ACOX1: variants seen among roughly 807,000 people sequenced by gnomAD.
ACOX1 encodes peroxisomal acyl-coenzyme A oxidase 1.
A neutral mutation model predicts 75.5 loss-of-function variants in ACOX1; 41 were observed. The ratio of observed to expected loss-of-function variants is 0.54; its 90% CI spans 0.42 to 0.70. The LOEUF (loss-of-function observed/expected upper bound fraction) is 0.70. Among genes scored for constraint, ACOX1 ranks in the 30% least tolerant of loss-of-function variants. The pLI is 0.00. For synonymous variants in ACOX1, 303 were observed against 298.8 expected, an observed-to-expected ratio of 1.01 and a Z score of -0.15; for missense variants, 630 against 837.5, an observed-to-expected ratio of 0.75 and a Z score of 3.06.
At position 75,941,879 on chromosome 17, in the gene ACOX1, G is replaced by A. The variant is rs993202188; in HGVS notation, c.*4869C>T. On this transcript the variant is annotated 3_prime_UTR_variant, in exon 14 of 14. Transcript: ENST00000293217. ...GTAGTCCGCAGTCTGAATGTGGAAG[G>A]TGGAAGATCACACATTTACTAAGAA... 6.6e-6 allele frequency: 1 copy of A among 152,190 alleles called. No homozygotes were observed. Among genetic ancestry groups the A allele is most frequent in the Non-Finnish European group, 1.5e-5 (1 of 68,040 alleles). The allele number at this position is 152,190 out of a possible 1,614,324, so 9.4% of individuals were successfully genotyped here. A position where few individuals can be genotyped will look rare whatever the true frequency, so the allele number is the denominator to read the frequency against.
chr17:75,957,346 G>T, intron 4 of ACOX1, 113 bp downstream of exon 4: 3 of 976,554 alleles, frequency 3.1e-6, no homozygotes, highest in Non-Finnish European at 4.9e-6. Context: ...CTCCCAAAGT[G>T]TTAGGATTTC....
intron 2 of ACOX1, among the ~76,000 whole-genome samples, chr17:75,966,500 T>A (rs2144290909): frequency 6.8e-6 from 1 of 146,990 alleles, no homozygotes; most frequent in Middle Eastern, 3.8e-3. Context: ...AAAATAAAAA[T>A]AAAAATAGAG....
At chr17:75,956,743 T>C (rs1347913389) in intron 4 of ACOX1, among the ~76,000 whole-genome samples, 2 of 150,414 alleles carry the variant, frequency 1.3e-5, no homozygotes, top group Non-Finnish European at 3.0e-5. Flanking sequence ...TTTTTTTTTT[T>C]AAGAGACAGG....
intron 2 of ACOX1, among the ~76,000 whole-genome samples, chr17:75,975,920 AAAAAGAAAGG>A (rs1294361766): frequency 2.0e-5 from 3 of 151,856 alleles, no homozygotes; most frequent in Non-Finnish European, 4.4e-5. Flanking sequence ...AAAGAGAAAG[AAAAAGAAAGG>A]AAAAGAAAGA....
At chr17:75,974,414 G>A (rs932465272) in intron 2 of ACOX1, among the ~76,000 whole-genome samples, 12 of 152,242 alleles carry the variant, frequency 7.9e-5, no homozygotes, top group East Asian at 3.9e-4. Context: ...ACATTACTAC[G>A]GATTAACTCT....
At chr17:75,948,222 A>T (rs764314743) in intron 13 of ACOX1, 29 bp downstream of exon 13, 167 of 1,608,358 alleles carry the variant, frequency 1.0e-4, no homozygotes, top group Non-Finnish European at 2.0e-5. Context: ...GAAGACTTTT[A>T]AAAAGGTGCA....
rs2065773210 is a variant in ACOX1 at position 75,951,462 on chromosome 17, G to A, written c.1060C>T (p.Arg354Trp). Residue 354 changes from arginine to tryptophan, a missense_variant, in exon 8 of 14, where the codon CGG becomes TGG. Arg to Trp is a moderately radical substitution (Grantham distance 101). Coordinates refer to ENST00000293217, the MANE Select transcript of ACOX1 (RefSeq NM_004035.7). ...VGAYMKETYH[R>W]INEGIGQGDL... ...CCTTGACCAATGCCTTCGTTAATCC[G>A]GTGATAGGTCTCCTTCATGTATGCG... is the stretch of plus-strand genomic sequence containing the variant. The A allele has an allele frequency of 1.2e-6, 2 of 1,614,012 alleles. No individual in the cohort carries two copies. The highest frequency in any genetic ancestry group is 1.7e-6 in the Non-Finnish European group (2 of 1,180,040).
In ACOX1 at chr17:75,978,570, C is replaced by T. The variant is rs2144330484; in HGVS notation, c.233G>A (p.Gly78Asp). 1.2e-6 allele frequency: 2 copies of T among 1,614,192 alleles called. No individual in the cohort carries two copies. Among genetic ancestry groups the T allele is most frequent in the Non-Finnish European group, 1.7e-6 (2 of 1,180,040 alleles). ...CATAATTTCATCAGGGTCAGCGATG[C>T]CAAACTCCCTCATCTTCTTCACCAT... ...AIMVKKMREF[G>D]IADPDEIMWF... The change falls in exon 2 of 14, where the codon GGC becomes GAC. Residue 78 changes from glycine to aspartate, a missense_variant. Gly to Asp is a moderately conservative substitution (Grantham distance 94). Around this residue, in one of 2 missense-constraint regions of ACOX1, gnomAD observed 390 missense variants for 574.9 expected, o/e 0.68. Transcript: ENST00000293217. This position sits in a 1 kb window ranked among gnomAD's most constrained non-coding sequence, Gnocchi z 4.2.
intron 2 of ACOX1, among the ~76,000 whole-genome samples, chr17:75,967,888 C>T (rs1347466492): frequency 1.3e-5 from 2 of 150,120 alleles, no homozygotes; most frequent in South Asian, 2.1e-4. Context: ...TTACAGGTGC[C>T]GCCACCACTC....
At position 75,972,306 on chromosome 17, in the gene ACOX1, G is replaced by A. The variant is rs1287202433; in HGVS notation, c.269+6228C>T. On this transcript the variant is annotated intron_variant, in intron 2 of 13. Transcript: ENST00000293217. ...GGCACAACTGCACTCCAGCCTGGGC[G>A]ACAGAGTGAGACTCTGTCTCCAAAA... Among the ~76,000 whole-genome samples, 42 of 129,548 alleles carry A rather than the reference G, an allele frequency of 3.2e-4. No homozygotes were observed. The South Asian group carries it at 4.9e-3, about 15-fold the overall frequency. The allele number at this position is 129,548 out of a possible 152,430, so 85.0% of individuals were successfully genotyped here. A position where few individuals can be genotyped will look rare whatever the true frequency, so the allele number is the denominator to read the frequency against.
intron 12 of ACOX1, 101 bp from the exon 13 acceptor site, chr17:75,948,558 C>CTTT: frequency 1.2e-5 from 10 of 849,282 alleles, no homozygotes; most frequent in Non-Finnish European, 1.4e-5. Context: ...TTATTTTTTT[C>CTTT]TTTTTTTTTT....
intron 2 of ACOX1, among the ~76,000 whole-genome samples, chr17:75,977,215 C>T (rs569912550): frequency 9.8e-4 from 148 of 151,404 alleles, no homozygotes; most frequent in Non-Finnish European, 1.7e-3. Flanking sequence ...AGGCTGGTCT[C>T]GAGCTCCTGG....
intron 2 of ACOX1, among the ~76,000 whole-genome samples, chr17:75,969,267 A>C (rs2065971056): frequency 6.6e-6 from 1 of 152,134 alleles, no homozygotes; most frequent in Non-Finnish European, 1.5e-5. Flanking sequence ...CCCAGGTTCA[A>C]AAGCTTCTCC....
rs772900988 is a variant in ACOX1, at chr17:75,957,444, GAA to G, written c.538+13_538+14del. ...ACCTTCAAAACATCCAATAAATGCT[GAA>G]AAATTCACTTACGCCCACCAGGCCA... On this transcript the variant is annotated intron_variant, in intron 4 of 13. Coordinates refer to ENST00000293217, the MANE Select transcript of ACOX1 (RefSeq NM_004035.7). 1.3e-4 allele frequency: 211 copies of G among 1,601,106 alleles called. No individual in the cohort carries two copies. The highest frequency in any genetic ancestry group is 1.8e-4 in the Non-Finnish European group (206 of 1,168,358).
At chr17:75,949,960 A>C (rs897188010) in intron 9 of ACOX1, 63 bp from the exon 10 acceptor site, 2 of 1,582,672 alleles carry the variant, frequency 1.3e-6, no homozygotes, top group African/African-American at 1.3e-5. Context: ...TTTGAGATGG[A>C]GTTTCATTCT....
At chr17:75,956,433 G>A (rs1038530549) in intron 4 of ACOX1, among the ~76,000 whole-genome samples, 6 of 152,242 alleles carry the variant, frequency 3.9e-5, no homozygotes, top group African/African-American at 1.4e-4. Flanking sequence ...GCTCGCGCCT[G>A]TAATTCCAGC....
At position 75,957,458 on chromosome 17, in the gene ACOX1, C is replaced by A; in HGVS notation, c.538+1G>T. The stretch of plus-strand genomic sequence containing the variant: ...CAATAAATGCTGAAAAATTCACTTA[C>A]GCCCACCAGGCCACCATTTAATGGA... On this transcript the variant is annotated splice_donor_variant, in intron 4 of 13. Transcript: ENST00000293217. LOFTEE classifies it high-confidence loss of function. 1 of 1,611,570 alleles carries A rather than the reference C, an allele frequency of 6.2e-7. No individual in the cohort carries two copies. The highest frequency in any genetic ancestry group is 8.5e-7 in the Non-Finnish European group (1 of 1,177,740).
Position 75,961,465 on chromosome 17 carries a change from C to CAA in ACOX1, c.270-1092_270-1091dup, listed in dbSNP as rs142857967. On this transcript the variant is annotated intron_variant, in intron 2 of 13. Transcript: ENST00000293217. ...TGAAATCCCGTTTCTACTAAAAATA[C>CAA]AAAAAAAAAAAAAAAAAAAAAAGGC... 1.6e-3 allele frequency among the ~76,000 whole-genome samples: 80 copies of CAA among 50,768 alleles called. 1 individual carries two copies. Among genetic ancestry groups the CAA allele is most frequent in the Non-Finnish European group, 2.1e-3 (60 of 28,108 alleles). 33.3% of individuals were successfully genotyped at this position (50,768 alleles called of 152,430 possible).
At chr17:75,968,296 C>A (rs1207457244) in intron 2 of ACOX1, among the ~76,000 whole-genome samples, 1 of 148,310 alleles carries the variant, frequency 6.7e-6, no homozygotes, top group Non-Finnish European at 1.5e-5. Context: ...ATTAGCCGGG[C>A]GTAGTGGCGG....
Sources: allele counts gnomAD v4.1 joint callset (sites outside exome capture counted in the v4.1 genomes callset), GRCh38; gene constraint gnomAD v4.1.1; regional missense constraint gnomAD v4.1.1; non-coding constraint Gnocchi (gnomAD v3.1); transcripts MANE v1.5; gene names NCBI Gene and HGNC (gene_info 2026-07-23, HGNC 2026-07-21).